RALGPS1: variants seen among roughly 807,000 people sequenced by gnomAD.
RALGPS1 encodes the protein ras-specific guanine nucleotide-releasing factor RalGPS1.
A neutral mutation model predicts 78.8 loss-of-function variants in RALGPS1; 19 were observed. The ratio of observed to expected loss-of-function variants is 0.24; its 90% CI spans 0.17 to 0.35. The LOEUF is 0.35. Among genes scored for constraint, RALGPS1 ranks in the 10% least tolerant of loss-of-function variants. The pLI, the probability that RALGPS1 is intolerant of heterozygous loss-of-function variation, is 1.00. For missense variants in RALGPS1, 454 were observed against 688.3 expected, an observed-to-expected ratio of 0.66 and a Z score of 3.81; for synonymous variants, 228 against 256.3, an observed-to-expected ratio of 0.89 and a Z score of 1.06.
chr9:126,940,465 A>G (rs11793975), intron 1 of RALGPS1, among the ~76,000 whole-genome samples: 54,125 of 135,626 alleles, frequency 0.4, 12,180 homozygotes, highest in Non-Finnish European at 0.49. Flanking sequence ...TTTGAGATGG[A>G]GTCTCGCTCT....
chr9:126,924,265 C>A (rs538702850), intron 1 of RALGPS1, among the ~76,000 whole-genome samples: 57 of 152,358 alleles, frequency 3.7e-4, no homozygotes, highest in African/African-American at 1.3e-3. Context: ...TTTGTTGAAT[C>A]TGCAGTGTGA....
At chr9:126,961,646 AT>A (rs944456615) in intron 1 of RALGPS1, among the ~76,000 whole-genome samples, 1 of 152,130 alleles carries the variant, frequency 6.6e-6, no homozygotes, top group African/African-American at 2.4e-5. Context: ...CCACAAAACA[AT>A]TAGTGGAGCA....
At chr9:127,167,729 G>A (rs934571065) in intron 9 of RALGPS1, among the ~76,000 whole-genome samples, 1 of 152,170 alleles carries the variant, frequency 6.6e-6, no homozygotes, top group Non-Finnish European at 1.5e-5. Context: ...CAGAGCTATC[G>A]GGTGCTCATG....
At chr9:126,961,541 C>T (rs1315862145) in intron 1 of RALGPS1, among the ~76,000 whole-genome samples, 9 of 152,192 alleles carry the variant, frequency 5.9e-5, no homozygotes, top group African/African-American at 1.9e-4. Context: ...CGGTGGCTCA[C>T]ACCTGTAATC....
At chr9:126,990,083 G>T in intron 4 of RALGPS1, 4 of 1,469,084 alleles carry the variant, frequency 2.7e-6, no homozygotes, top group Non-Finnish European at 3.7e-6. Flanking sequence ...AATGTTGGAC[G>T]TCGGACAAAC....
chr9:126,922,004 T>C (rs1039541726), intron 1 of RALGPS1, among the ~76,000 whole-genome samples: 2 of 152,172 alleles, frequency 1.3e-5, no homozygotes, highest in Non-Finnish European at 2.9e-5. Flanking sequence ...CTGGGAAGCA[T>C]GTCCAGGGTG....
In RALGPS1 at chr9:127,099,382, A is replaced by G. The variant is rs1232169249; in HGVS notation, c.610+30026A>G. Among the ~76,000 whole-genome samples the G allele has an allele frequency of 7.2e-5, 11 of 152,336 alleles. No homozygotes were observed. In the East Asian group the frequency reaches 2.1e-3, roughly 29 times the overall value. On this transcript the variant is annotated intron_variant, in intron 8 of 18. Transcript: ENST00000259351. ...TACTCTCACTGATGGTCTGTCTCCAAAAAGTCTTCTTACCACTCCCTGAAA... is the reference window on the plus strand; with the variant it reads ...TACTCTCACTGATGGTCTGTCTCCAGAAAGTCTTCTTACCACTCCCTGAAA...
intron 12 of RALGPS1, 48 bp from the exon 13 acceptor site, chr9:127,196,426 C>A (rs1588498249): frequency 6.3e-7 from 1 of 1,577,606 alleles, no homozygotes; most frequent in East Asian, 2.2e-5. Context: ...ACCACTGTCA[C>A]TCCATAGATA....
At chr9:127,057,768 C>T (rs2048864576) in intron 7 of RALGPS1, among the ~76,000 whole-genome samples, 2 of 152,190 alleles carry the variant, frequency 1.3e-5, no homozygotes, top group South Asian at 2.1e-4. Context: ...AAATGTCAGG[C>T]CCTGAAGCCA....
At chr9:127,119,133 C>A (rs997212099) in intron 8 of RALGPS1, among the ~76,000 whole-genome samples, 1 of 152,172 alleles carries the variant, frequency 6.6e-6, no homozygotes, top group African/African-American at 2.4e-5. Context: ...GCACGTGGAA[C>A]AAGTCAGCCA....
chr9:127,099,356 T>G (rs2053491280), intron 8 of RALGPS1, among the ~76,000 whole-genome samples: 1 of 152,228 alleles, frequency 6.6e-6, no homozygotes, highest in Non-Finnish European at 1.5e-5. Context: ...CTGTTTTCAG[T>G]TACTCTCACT....
chr9:127,097,738 G>T (rs1040213779), intron 8 of RALGPS1, among the ~76,000 whole-genome samples: 1 of 152,300 alleles, frequency 6.6e-6, no homozygotes, highest in East Asian at 1.9e-4. Context: ...TAATGCCCTC[G>T]TAGGGGGCCA....
chr9:127,068,238 G>A (rs1219142001), intron 7 of RALGPS1, among the ~76,000 whole-genome samples: 5 of 152,328 alleles, frequency 3.3e-5, no homozygotes, highest in Non-Finnish European at 2.9e-5. Flanking sequence ...ACAGTTGACT[G>A]TAGGGGATCT....
intron 1 of RALGPS1, among the ~76,000 whole-genome samples, chr9:126,953,832 T>A (rs1214842200): frequency 6.6e-6 from 1 of 152,150 alleles, no homozygotes. Flanking sequence ...GTTAGTTCCA[T>A]CTGTTAAAGG....
chr9:127,061,009 T>C (rs149644567), intron 7 of RALGPS1, among the ~76,000 whole-genome samples: 16 of 152,338 alleles, frequency 1.1e-4, no homozygotes, highest in African/African-American at 3.6e-4. Flanking sequence ...GGAAAGAGAC[T>C]GAGCTAGAAT....
chr9:126,928,684 C>T (rs1043275283), intron 1 of RALGPS1, among the ~76,000 whole-genome samples: 1 of 152,030 alleles, frequency 6.6e-6, no homozygotes, highest in Non-Finnish European at 1.5e-5. Context: ...TCACTGCAAC[C>T]TCCACCTCCC....
intron 14 of RALGPS1, among the ~76,000 whole-genome samples, chr9:127,199,438 A>G (rs993190520): frequency 3.9e-5 from 6 of 152,140 alleles, no homozygotes; most frequent in Non-Finnish European, 8.8e-5. Context: ...GGGTCTGAGA[A>G]TATTGCACCC....
At chr9:126,966,220 T>G (rs565649228) in intron 3 of RALGPS1, among the ~76,000 whole-genome samples, 7 of 152,222 alleles carry the variant, frequency 4.6e-5, no homozygotes, top group African/African-American at 1.7e-4. Flanking sequence ...ACGTGCAATT[T>G]AAAAAATTCA....
At chr9:126,921,654 C>T (rs568253115) in intron 1 of RALGPS1, among the ~76,000 whole-genome samples, 1 of 152,318 alleles carries the variant, frequency 6.6e-6, no homozygotes, top group East Asian at 1.9e-4. Context: ...GGGACACAAA[C>T]AGATGTGGGT....
Sources: allele counts gnomAD v4.1 joint callset (sites outside exome capture counted in the v4.1 genomes callset), GRCh38; gene constraint gnomAD v4.1.1; transcripts MANE v1.5; gene names NCBI Gene and HGNC (gene_info 2026-07-23, HGNC 2026-07-21).